PAXIP1: variants seen among roughly 807,000 people sequenced by gnomAD.
PAXIP1 encodes PAX interacting protein 1.
PAXIP1 carries 19 observed loss-of-function variants against 140.6 expected under a neutral mutation model. The observed-to-expected ratio is 0.14, with a 90% confidence interval of 0.09 to 0.20. PAXIP1 has a LOEUF of 0.20. PAXIP1 is among the 10% of genes least tolerant of loss of function. PAXIP1 has a pLI of 1.00. For synonymous variants in PAXIP1, 442 were observed against 444.6 expected (o/e 0.99, Z 0.07); for missense variants, 920 against 1,208.6 (o/e 0.76, Z 3.54).
Position 154,992,549 on chromosome 7 carries a change from C to T in PAXIP1, c.260+1177G>A, listed in dbSNP as rs945747174. 1.1e-4 allele frequency among the ~76,000 whole-genome samples: 16 copies of T among 150,766 alleles called. No homozygotes were observed. In the East Asian group the frequency reaches 2.4e-3, roughly 22 times the overall value. On this transcript the variant is annotated intron_variant, in intron 3 of 20. Transcript: ENST00000404141. Reference sequence around the variant, plus strand: ...GGCAGAAGTTACAGTGAGCCGAGATCGTGCCACTGGACTCCAGCCTGGGCG... The same window carrying T: ...GGCAGAAGTTACAGTGAGCCGAGATTGTGCCACTGGACTCCAGCCTGGGCG...
chr7:154,975,619 T>C, intron 6 of PAXIP1, 77 bp downstream of exon 6: 1 of 1,043,454 alleles, frequency 9.6e-7, no homozygotes, highest in Non-Finnish European at 1.4e-6. Flanking sequence ...GCAAAACCAA[T>C]AAACTACATT....
chr7:154,992,979 C>G (rs1240333057), intron 3 of PAXIP1, among the ~76,000 whole-genome samples: 1 of 152,216 alleles, frequency 6.6e-6, no homozygotes, highest in Non-Finnish European at 1.5e-5. Context: ...ATGACATAAT[C>G]TCTTGCCAGG....
chr7:154,967,638 T>C, intron 8 of PAXIP1, 178 bp downstream of exon 8: 1 of 557,642 alleles, frequency 1.8e-6, no homozygotes, highest in South Asian at 2.5e-5. Context: ...CTGAGAAAAC[T>C]GATGCCCAGA....
At chr7:154,977,486 C>T (rs1809637858) in intron 5 of PAXIP1, among the ~76,000 whole-genome samples, 1 of 152,198 alleles carries the variant, frequency 6.6e-6, no homozygotes. Context: ...TCATTCGGTC[C>T]TGGCAGCGAA....
At chr7:154,948,653 T>TG (rs1808116177) in intron 16 of PAXIP1, 1 of 151,746 alleles carries the variant, frequency 6.6e-6, no homozygotes, top group African/African-American at 2.4e-5. Flanking sequence ...CTCCCCTCTT[T>TG]ACCCCCCGAC....
intron 6 of PAXIP1, among the ~76,000 whole-genome samples, chr7:154,971,372 T>C (rs929842790): frequency 6.6e-6 from 1 of 152,156 alleles, no homozygotes; most frequent in African/African-American, 2.4e-5. Flanking sequence ...GAAGAACAGA[T>C]GGAGATTCAG....
chr7:155,002,656 T>TC (rs1195345696), intron 1 of PAXIP1, among the ~76,000 whole-genome samples, 193 bp downstream of exon 1: 2 of 151,062 alleles, frequency 1.3e-5, no homozygotes, highest in Non-Finnish European at 3.0e-5. Context: ...CCTCCCGCAC[T>TC]CCCCCGGGCC....
rs1808438524 is a variant in PAXIP1 at position 154,954,889 on chromosome 7, T to C, written c.2653-466A>G. 6.6e-6 allele frequency among the ~76,000 whole-genome samples: 1 copy of C among 152,214 alleles called. No homozygotes were observed. Among genetic ancestry groups the C allele is most frequent in the South Asian group, 2.1e-4 (1 of 4,828 alleles). On this transcript the variant is annotated intron_variant, in intron 15 of 20. Transcript: ENST00000404141. This position sits in a 1 kb window ranked among gnomAD's most constrained non-coding sequence, Gnocchi z 5.1. Reference sequence around the variant, plus strand: ...AGCTCCTAATAACTATCCTCACATTTTAAAGGTGGAGAAATTAATTTGTTC... The same window carrying C: ...AGCTCCTAATAACTATCCTCACATTCTAAAGGTGGAGAAATTAATTTGTTC...
At chr7:154,947,049 C>T (rs1473524965) in intron 17 of PAXIP1, 4 of 398,152 alleles carry the variant, frequency 1.0e-5, no homozygotes, top group Admixed American at 8.2e-5. Flanking sequence ...TTTAAAGTAA[C>T]CAGAACTTAA....
rs1809157780 is a variant in PAXIP1 at position 154,968,846 on chromosome 7, T to G, written c.1355A>C (p.Gln452Pro). The change falls in exon 7 of 21, where the codon CAG becomes CCG. Residue 452 changes from glutamine to proline, a missense_variant. Physicochemically the swap from Gln to Pro is moderately conservative, Grantham distance 76. Coordinates refer to ENST00000404141, the MANE Select transcript of PAXIP1 (RefSeq NM_007349.4). ...CGGATGGGCTTGCTGCTGCTGCTGC[T>G]GTTGCTGTGAAAATGGATGCGGCGG... ...QQPPHPFSQQ[Q>P]QQQQQAHPHQ... 1 of 767,972 alleles carries G rather than the reference T, an allele frequency of 1.3e-6. No individual in the cohort carries two copies. The highest frequency in any genetic ancestry group is 2.3e-6 in the Non-Finnish European group (1 of 430,448). The allele number at this position is 767,972 out of a possible 1,614,324, so 47.6% of individuals were successfully genotyped here. A position where few individuals can be genotyped will look rare whatever the true frequency, so the allele number is the denominator to read the frequency against.
chr7:154,985,568 A>G (rs914822411), intron 4 of PAXIP1, among the ~76,000 whole-genome samples: 1 of 152,128 alleles, frequency 6.6e-6, no homozygotes, highest in African/African-American at 2.4e-5. Flanking sequence ...ACAGAAATCT[A>G]AATACTTCTC....
At chr7:154,970,989 C>T (rs1220068520) in intron 6 of PAXIP1, among the ~76,000 whole-genome samples, 3 of 152,204 alleles carry the variant, frequency 2.0e-5, no homozygotes, top group South Asian at 4.1e-4. Flanking sequence ...TGCTGCTCCC[C>T]GCCTCTCTGT....
intron 6 of PAXIP1, among the ~76,000 whole-genome samples, chr7:154,975,156 CAAAA>C (rs61595965): frequency 3.9e-4 from 42 of 106,876 alleles, no homozygotes; most frequent in Non-Finnish European, 1.1e-4. Context: ...GACTCCATCT[CAAAA>C]AAAAAAAAAA....
At chr7:154,989,544 T>A (rs306286) in intron 4 of PAXIP1, among the ~76,000 whole-genome samples, 44,240 of 152,138 alleles carry the variant, frequency 0.29, 6,760 homozygotes, top group East Asian at 0.41. Context: ...CACTTTCACC[T>A]TCCTAAGGAC....
At chr7:154,944,453 A>C (rs1052006124) in intron 20 of PAXIP1, 4 of 272,910 alleles carry the variant, frequency 1.5e-5, no homozygotes, top group Non-Finnish European at 2.8e-5. Context: ...TGTCCTTTAA[A>C]TTAACATGTA....
intron 4 of PAXIP1, among the ~76,000 whole-genome samples, chr7:154,985,413 C>T (rs1270839766): frequency 6.6e-6 from 1 of 152,154 alleles, no homozygotes; most frequent in Non-Finnish European, 1.5e-5. Flanking sequence ...TAACCACCTC[C>T]TCCTGCCCAT....
chr7:154,950,442 C>G (rs1431784016), intron 16 of PAXIP1: 2 of 152,226 alleles, frequency 1.3e-5, no homozygotes, highest in Admixed American at 1.3e-4. Flanking sequence ...CTGGACCTCA[C>G]CTATTAGAAT....
At chr7:154,944,476 C>A in intron 20 of PAXIP1, 1 of 203,306 alleles carries the variant, frequency 4.9e-6, no homozygotes, top group Non-Finnish European at 1.0e-5. Flanking sequence ...ACACACAACC[C>A]CCAAGAGCTG....
At chr7:154,969,653 A>G (rs1162355537) in intron 6 of PAXIP1, among the ~76,000 whole-genome samples, 2 of 152,234 alleles carry the variant, frequency 1.3e-5, no homozygotes, top group African/African-American at 2.4e-5. Flanking sequence ...CTTGTCTTAC[A>G]GCCCAGAGTC....
Sources: gnomAD v4.1 joint callset for allele counts (sites outside exome capture counted in the v4.1 genomes callset) on GRCh38, gnomAD v4.1.1 for gene constraint, Gnocchi (gnomAD v3.1) non-coding constraint, MANE v1.5 for transcripts, NCBI Gene and HGNC (gene_info 2026-07-23, HGNC 2026-07-21) for gene names.